The following LRP1B variants were observed in gnomAD, a reference collection of about 807,000 sequenced individuals.
LRP1B encodes the protein low-density lipoprotein receptor-related protein 1B.
A neutral mutation model predicts 556.6 loss-of-function variants in LRP1B; 217 were observed. The observed-to-expected ratio is 0.39, with a 90% CI of 0.35 to 0.44. The LOEUF is 0.44. Among genes scored for constraint, LRP1B ranks in the 20% least tolerant of loss-of-function variants. The probability of loss-of-function intolerance (pLI) is 1.00; values close to 1 mark genes in which losing one functional copy is unlikely to be tolerated. For missense variants in LRP1B, 5,053 were observed against 5,620.8 expected, an observed-to-expected ratio of 0.90 and a Z score of 3.23; for synonymous variants, 2,047 against 1,865.8, an observed-to-expected ratio of 1.10 and a Z score of -2.50.
In LRP1B at chr2:141,645,647, C is replaced by G. The variant is rs574089807; in HGVS notation, c.205+164632G>C. Among the ~76,000 whole-genome samples the G allele has an allele frequency of 4.7e-5, 7 of 150,252 alleles. 1 individual carries two copies. In the East Asian group the frequency reaches 1.4e-3, roughly 29 times the overall value. On this transcript the variant is annotated intron_variant, in intron 2 of 90. Coordinates refer to ENST00000389484, the MANE Select transcript of LRP1B (RefSeq NM_018557.3). ...AGTCAGCATCAACATGTTTTTTTTT[C>G]CAATTCTGATTAGAAAATTATTTGA...
At chr2:141,922,778 G>A (rs1367629528) in intron 1 of LRP1B, among the ~76,000 whole-genome samples, 2 of 152,202 alleles carry the variant, frequency 1.3e-5, no homozygotes, top group East Asian at 3.9e-4. Context: ...TATCTTAAGT[G>A]CTTCAGTTCT....
At chr2:140,296,809 G>A (rs1683623748) in intron 84 of LRP1B, among the ~76,000 whole-genome samples, 1 of 152,080 alleles carries the variant, frequency 6.6e-6, no homozygotes. Context: ...TTTCATAAAA[G>A]ATATTTTAGC....
Position 140,526,288 on chromosome 2 carries a change from G to T in LRP1B, c.7825C>A (p.Arg2609=), listed in dbSNP as rs751220065. Residue 2609 remains arginine, a synonymous_variant, in exon 48 of 91, where the codon CGA becomes AGA. Transcript: ENST00000389484. The part of the protein sequence containing the change: ...ADGTCIPRSA[R]CNQNIDCADA... ...GCACAATCTATGTTCTGGTTGCATC[G>T]TGCTGATCTTGGAATACAAGTCCCA... 3 of 1,611,820 alleles carry T rather than the reference G, an allele frequency of 1.9e-6. No homozygotes were observed. In the South Asian group the frequency reaches 3.3e-5, roughly 18 times the overall value.
chr2:141,473,802 TTG>T (rs2105074309), intron 3 of LRP1B, among the ~76,000 whole-genome samples: 1 of 141,264 alleles, frequency 7.1e-6, no homozygotes, highest in South Asian at 2.4e-4. Flanking sequence ...TACTATAACA[TTG>T]CAAGTGTTAT....
chr2:140,483,418 T>C (rs888441109), intron 59 of LRP1B, among the ~76,000 whole-genome samples: 1 of 151,584 alleles, frequency 6.6e-6, no homozygotes, highest in South Asian at 2.1e-4. Context: ...AGGTTTTGCT[T>C]CATAAATAGA....
chr2:140,850,561 C>T (rs1003836613), intron 28 of LRP1B, among the ~76,000 whole-genome samples: 3 of 152,088 alleles, frequency 2.0e-5, no homozygotes, highest in Non-Finnish European at 4.4e-5. Flanking sequence ...TAGAAACACC[C>T]AAACATTCTC....
rs183852262 is a variant in LRP1B at position 142,034,567 on chromosome 2, A to T, written c.82+96081T>A. Among the ~76,000 whole-genome samples, 67 of 151,834 alleles carry T rather than the reference A, an allele frequency of 4.4e-4. No individual in the cohort carries two copies. The Middle Eastern group carries it at 0.01, about 23-fold the overall frequency. On this transcript the variant is annotated intron_variant, in intron 1 of 90. Coordinates refer to ENST00000389484, the MANE Select transcript of LRP1B (RefSeq NM_018557.3). Reference sequence around the variant, plus strand: ...ACTATTCTTTTGGAGAGTAGTATTTACTTCTTACTGAAAGTGTATTATGTA... The same window carrying T: ...ACTATTCTTTTGGAGAGTAGTATTTTCTTCTTACTGAAAGTGTATTATGTA...
rs1239843590 is a variant in LRP1B, at chr2:140,982,228, A to G, written c.2819T>C (p.Ile940Thr). Residue 940 changes from isoleucine (I) to threonine (T), a missense_variant, in exon 18 of 91, where the codon ATT (isoleucine) becomes ACT (threonine). By Grantham distance (89) the Ile-to-Thr change is moderately conservative. Around this residue, in one of 5 missense-constraint regions of LRP1B, gnomAD observed 3,619 missense variants for 3,931.9 expected, o/e 0.92. Coordinates refer to ENST00000389484, the MANE Select transcript of LRP1B (RefSeq NM_018557.3). ...CCTGTCACACAGCCATGCTCTGGGA[A>G]TGCAACGCCCATTTCCGCAAGAAAA... ...DQFSCGNGRCIPRAWLCDRED... is the reference protein window; with the variant it reads ...DQFSCGNGRCTPRAWLCDRED... 2.5e-6 allele frequency: 4 copies of G among 1,613,424 alleles called. No individual in the cohort carries two copies. The highest frequency in any genetic ancestry group is 3.4e-6 in the Non-Finnish European group (4 of 1,179,586).
In LRP1B at chr2:140,370,782, T is replaced by C. The variant is rs758490586; in HGVS notation, c.10936A>G (p.Ile3646Val). 6.2e-7 allele frequency: 1 copy of C among 1,612,906 alleles called. No homozygotes were observed. The highest frequency in any genetic ancestry group is 2.2e-5 in the East Asian group (1 of 44,800). ...QFRCKNKAHC[I>V]PIRWLCDGIH... ...CCATCACACAGCCATCTAATTGGAA[T>C]ACAGTGGGCTTTATTTTTGCACCGA... Residue 3646 changes from isoleucine (I) to valine (V), a missense_variant, in exon 71 of 91, where the codon ATT becomes GTT. Ile to Val is a conservative substitution (Grantham distance 29). Around this residue, in one of 5 missense-constraint regions of LRP1B, gnomAD observed 599 missense variants for 648.4 expected, o/e 0.92. Transcript: ENST00000389484.
At chr2:141,172,541 A>G (rs1169040435) in intron 7 of LRP1B, among the ~76,000 whole-genome samples, 4 of 152,058 alleles carry the variant, frequency 2.6e-5, no homozygotes, top group Non-Finnish European at 5.9e-5. Context: ...GCTTTTAATC[A>G]CAATCATACT....
intron 2 of LRP1B, among the ~76,000 whole-genome samples, chr2:141,681,803 C>T (rs1231009741): frequency 6.6e-6 from 1 of 152,152 alleles, no homozygotes. Context: ...GTAGTGAATT[C>T]AGTTAAATTA....
chr2:141,561,938 C>T (rs1686168926), intron 2 of LRP1B, among the ~76,000 whole-genome samples: 1 of 151,768 alleles, frequency 6.6e-6, no homozygotes, highest in South Asian at 2.1e-4. Flanking sequence ...TTAACCATCT[C>T]CTATGTTTTA....
chr2:140,794,091 T>C (rs1484520543), intron 32 of LRP1B, among the ~76,000 whole-genome samples: 1 of 152,116 alleles, frequency 6.6e-6, no homozygotes, highest in Non-Finnish European at 1.5e-5. Context: ...ATAGGAAATA[T>C]AATTCTGAAT....
At chr2:140,912,727 A>G (rs1048105667) in intron 21 of LRP1B, among the ~76,000 whole-genome samples, 3 of 151,850 alleles carry the variant, frequency 2.0e-5, no homozygotes, top group East Asian at 1.9e-4. Context: ...TAACAACAAT[A>G]ACAGCAAATT....
intron 1 of LRP1B, among the ~76,000 whole-genome samples, chr2:142,042,969 T>A (rs200860521): frequency 6.9e-6 from 1 of 144,588 alleles, no homozygotes; most frequent in African/African-American, 2.5e-5. Flanking sequence ...TTGATACATT[T>A]ATATCAACTA....
At chr2:140,797,359 T>A (rs1387576987) in intron 32 of LRP1B, among the ~76,000 whole-genome samples, 1 of 152,074 alleles carries the variant, frequency 6.6e-6, no homozygotes, top group East Asian at 1.9e-4. Context: ...ATATTTGAAA[T>A]TGAAACAACA....
At chr2:141,734,452 G>A (rs994484433) in intron 2 of LRP1B, among the ~76,000 whole-genome samples, 1 of 152,010 alleles carries the variant, frequency 6.6e-6, no homozygotes, top group African/African-American at 2.4e-5. Context: ...CACACAGGGA[G>A]AGATAGAGAG....
chr2:140,880,607 G>GT (rs1224953786), intron 25 of LRP1B, among the ~76,000 whole-genome samples: 2 of 150,916 alleles, frequency 1.3e-5, no homozygotes, highest in African/African-American at 4.8e-5. Flanking sequence ...ATTGGCATCT[G>GT]TAAAAAAAAA....
At chr2:141,267,228 T>C (rs1019936804) in intron 3 of LRP1B, among the ~76,000 whole-genome samples, 1 of 152,204 alleles carries the variant, frequency 6.6e-6, no homozygotes, top group Non-Finnish European at 1.5e-5. Flanking sequence ...TAGCTCAAAG[T>C]GTGCTCCAGA....
Sources: allele counts gnomAD v4.1 joint callset (sites outside exome capture counted in the v4.1 genomes callset), GRCh38; gene constraint gnomAD v4.1.1; regional missense constraint gnomAD v4.1.1; transcripts MANE v1.5; gene names NCBI Gene and HGNC (gene_info 2026-07-23, HGNC 2026-07-21).